The following TLE4 variants were observed in gnomAD, a reference collection of about 807,000 sequenced individuals.
TLE4 encodes the protein TLE family member 4, transcriptional corepressor, also known as transducin-like enhancer protein 4.
A neutral mutation model predicts 92.8 loss-of-function variants in TLE4; 8 were observed. That is an observed-to-expected ratio of 0.09 (90% confidence interval 0.05 to 0.16). The LOEUF (loss-of-function observed/expected upper bound fraction) is 0.16. Ranked by LOEUF, TLE4 falls within the 10% of genes least tolerant of loss-of-function variation. TLE4 has a pLI of 1.00. For synonymous variants in TLE4, 371 were observed against 374.1 expected (o/e 0.99, Z 0.10); for missense variants, 675 against 997.6 (o/e 0.68, Z 4.36).
intron 1 of TLE4, 121 bp from the exon 2 acceptor site, chr9:79,573,568 C>T (rs2036605908): frequency 1.2e-6 from 1 of 868,626 alleles, no homozygotes; most frequent in Non-Finnish European, 1.6e-6. Flanking sequence ...GAGTTTTAAT[C>T]TCTCTTTGCT....
chr9:79,599,846 C>A (rs1417751381), intron 4 of TLE4, among the ~76,000 whole-genome samples: 6 of 152,210 alleles, frequency 3.9e-5, no homozygotes, highest in African/African-American at 1.4e-4. Context: ...CCACCTCCTG[C>A]CCCAGGGCTC....
chr9:79,628,617 G>A, intron 6 of TLE4, among the ~76,000 whole-genome samples: 1 of 151,886 alleles, frequency 6.6e-6, no homozygotes, highest in East Asian at 1.9e-4. Context: ...AACCTGGTAG[G>A]AAATTAGCAG....
chr9:79,708,738 A>G lies in TLE4; in HGVS notation c.1215A>G (p.Ala405=). 1.9e-6 allele frequency: 3 copies of G among 1,610,626 alleles called. No homozygotes were observed. Among genetic ancestry groups the G allele is most frequent in the Non-Finnish European group, 2.5e-6 (3 of 1,179,886 alleles). ...ACAACATCTCCCCTCAGATGAGCGC[A>G]GCTGCTGCCGCCGCCGCTGCTGCTG... The part of the protein sequence containing the change: ...GLHNISPQMS[A]AAAAAAAAAA... The change falls in exon 13 of 20, where the codon GCA becomes GCG. Residue 405 remains alanine, a synonymous_variant. Transcript: ENST00000376552.
intron 4 of TLE4, among the ~76,000 whole-genome samples, chr9:79,578,582 T>TG (rs779932268): frequency 2.9e-4 from 44 of 152,110 alleles, no homozygotes; most frequent in Admixed American, 1.2e-3. Context: ...ACCCTTTCTA[T>TG]GTGGTGCTCA....
intron 6 of TLE4, among the ~76,000 whole-genome samples, chr9:79,648,785 G>C (rs1243225918): frequency 6.6e-6 from 1 of 152,140 alleles, no homozygotes; most frequent in African/African-American, 2.4e-5. Flanking sequence ...AGTAGAGGTT[G>C]GGTTTTGTGT....
chr9:79,610,479 C>T (rs771853363), intron 4 of TLE4, among the ~76,000 whole-genome samples: 1 of 151,978 alleles, frequency 6.6e-6, no homozygotes, highest in Non-Finnish European at 1.5e-5. Flanking sequence ...GCAGTGTTTC[C>T]GAGGCAACTT....
intron 4 of TLE4, among the ~76,000 whole-genome samples, chr9:79,585,338 T>C (rs2807301): frequency 0.46 from 70,213 of 152,076 alleles, 18,594 homozygotes; most frequent in African/African-American, 0.74. Flanking sequence ...GCCGGTAAAA[T>C]AGATCTTGGG....
intron 4 of TLE4, among the ~76,000 whole-genome samples, chr9:79,600,687 G>A (rs1019426291): frequency 6.6e-6 from 1 of 152,114 alleles, no homozygotes; most frequent in African/African-American, 2.4e-5. Context: ...TGTTCAGAAG[G>A]GATTTGAATA....
intron 9 of TLE4, 26 bp from the exon 10 acceptor site, chr9:79,705,863 A>T (rs773381294): frequency 3.3e-5 from 54 of 1,611,992 alleles, no homozygotes; most frequent in Non-Finnish European, 4.2e-5. Context: ...AGGGGAGAAG[A>T]TAATGCTTCT....
At chr9:79,715,548 C>G (rs1351295842) in intron 14 of TLE4, among the ~76,000 whole-genome samples, 1 of 152,142 alleles carries the variant, frequency 6.6e-6, no homozygotes, top group Non-Finnish European at 1.5e-5. Context: ...GTTGCCACCC[C>G]TTCTCCAGCC....
intron 8 of TLE4, among the ~76,000 whole-genome samples, chr9:79,675,252 T>C (rs1490140321): frequency 6.6e-6 from 1 of 152,192 alleles, no homozygotes; most frequent in Non-Finnish European, 1.5e-5. Context: ...TATCCTACTT[T>C]TCTTTGTTTT....
At chr9:79,618,086 G>T (rs1274932153) in intron 5 of TLE4, among the ~76,000 whole-genome samples, 1 of 152,180 alleles carries the variant, frequency 6.6e-6, no homozygotes, top group Non-Finnish European at 1.5e-5. Context: ...ACAGATAGTT[G>T]TAAGGGAGAT....
At chr9:79,663,825 A>G (rs900136203) in intron 8 of TLE4, among the ~76,000 whole-genome samples, 2 of 152,190 alleles carry the variant, frequency 1.3e-5, no homozygotes, top group Non-Finnish European at 2.9e-5. Context: ...AAAGCTATGC[A>G]TAAGGGTGCT....
chr9:79,704,138 G>T (rs2070809687), intron 8 of TLE4, among the ~76,000 whole-genome samples: 1 of 151,654 alleles, frequency 6.6e-6, no homozygotes, highest in South Asian at 2.1e-4. Flanking sequence ...TTTTGAGACA[G>T]AGTTTCACTC....
At chr9:79,617,198 C>T (rs2049854855) in intron 5 of TLE4, among the ~76,000 whole-genome samples, 2 of 152,084 alleles carry the variant, frequency 1.3e-5, no homozygotes, top group Non-Finnish European at 2.9e-5. Context: ...CCAGTAGCTG[C>T]TTCCAACGAT....
chr9:79,625,405 G>C (rs1245593567), intron 5 of TLE4, among the ~76,000 whole-genome samples: 2 of 152,112 alleles, frequency 1.3e-5, no homozygotes, highest in African/African-American at 4.8e-5. Context: ...TAAATATGCA[G>C]CCCTTCATGA....
Position 79,659,013 on chromosome 9 carries a change from A to G in TLE4, c.609+4938A>G, listed in dbSNP as rs565153974. Among the ~76,000 whole-genome samples, 197 of 152,228 alleles carry G rather than the reference A, an allele frequency of 1.3e-3. 2 individuals are homozygous for G. In the South Asian group the frequency reaches 0.02, roughly 15 times the overall value. ...AAAATAAGGTGGGTCCACAGTGTCC[A>G]CTCAGTCCTACTGATCTCCTCTGAG... On this transcript the variant is annotated intron_variant, in intron 8 of 19. Coordinates refer to ENST00000376552, the MANE Select transcript of TLE4 (RefSeq NM_007005.6).
At chr9:79,666,534 C>G (rs545216045) in intron 8 of TLE4, among the ~76,000 whole-genome samples, 1 of 152,280 alleles carries the variant, frequency 6.6e-6, no homozygotes, top group African/African-American at 2.4e-5. Flanking sequence ...CCATCACGCC[C>G]CACCCCTTCA....
chr9:79,616,930 T>C (rs190131466), intron 5 of TLE4, among the ~76,000 whole-genome samples: 7 of 152,300 alleles, frequency 4.6e-5, no homozygotes, highest in Non-Finnish European at 1.5e-5. Flanking sequence ...AGTATTCCTG[T>C]AGAATAAGGA....
Sources: allele counts gnomAD v4.1 joint callset (sites outside exome capture counted in the v4.1 genomes callset), GRCh38; gene constraint gnomAD v4.1.1; transcripts MANE v1.5; gene names NCBI Gene and HGNC (gene_info 2026-07-23, HGNC 2026-07-21).